Variants in SPMAP2L observed in about 807,000 individuals in gnomAD.
SPMAP2L encodes sperm microtubule associated protein 2 like.
chr4:56,575,147 G>A, the SPMAP2L span, among the ~76,000 whole-genome samples: 4 of 152,066 alleles, frequency 2.6e-5, no homozygotes. Context: ...TACTCGGGAG[G>A]CTGAGGCAGG....
the SPMAP2L span, among the ~76,000 whole-genome samples, chr4:56,572,836 C>A: frequency 8.1e-4 from 123 of 152,098 alleles, 1 homozygote; most frequent in African/African-American, 2.7e-3. Context: ...GCCAACATGG[C>A]AAAACCCTGT....
chr4:56,601,198 G>A, the SPMAP2L span: 6 of 1,279,176 alleles, frequency 4.7e-6, no homozygotes, highest in East Asian at 7.7e-5. Context: ...AATGAAAAGA[G>A]TTGTAGAAAT....
the SPMAP2L span, among the ~76,000 whole-genome samples, chr4:56,618,934 A>G: frequency 6.6e-6 from 1 of 152,150 alleles, no homozygotes; most frequent in African/African-American, 2.4e-5. Context: ...CCATAAAGAA[A>G]AGCAGCCCTG....
At chr4:56,618,778 G>T in the SPMAP2L span, among the ~76,000 whole-genome samples, 3 of 152,134 alleles carry the variant, frequency 2.0e-5, no homozygotes, top group Non-Finnish European at 2.9e-5. Context: ...ACGGAACTTG[G>T]GCTGATTGAT....
chr4:56,530,742 A>G, the SPMAP2L span: 34 of 1,535,312 alleles, frequency 2.2e-5, 1 homozygote, highest in South Asian at 3.2e-4. Context: ...AGGTCTCAAC[A>G]GAAATATCCA....
the SPMAP2L span, among the ~76,000 whole-genome samples, chr4:56,607,247 G>A: frequency 1.3e-5 from 2 of 152,150 alleles, no homozygotes; most frequent in African/African-American, 2.4e-5. Context: ...GCTTGAGGGA[G>A]TGAGTTCATC....
chr4:56,592,074 C>T, the SPMAP2L span, among the ~76,000 whole-genome samples: 136,570 of 152,290 alleles, frequency 0.9, 61,558 homozygotes, highest in African/African-American at 0.98. Flanking sequence ...GAGTGACCAT[C>T]ACTACCTGAG....
At chr4:56,534,756 G>A in the SPMAP2L span, among the ~76,000 whole-genome samples, 3 of 152,096 alleles carry the variant, frequency 2.0e-5, no homozygotes, top group Non-Finnish European at 2.9e-5. Flanking sequence ...GTGAAACCCC[G>A]TCTCTGCTAA....
chr4:56,531,153 G>A, the SPMAP2L span: 9 of 1,532,408 alleles, frequency 5.9e-6, no homozygotes, highest in African/African-American at 1.2e-4. Flanking sequence ...CACGGCCTCA[G>A]CTGTCTTTCC....
the SPMAP2L span, among the ~76,000 whole-genome samples, chr4:56,579,674 T>C: frequency 2.0e-5 from 3 of 152,188 alleles, no homozygotes; most frequent in African/African-American, 7.2e-5. Flanking sequence ...GAGGCTGAGG[T>C]GGGAGAATCA....
the SPMAP2L span, among the ~76,000 whole-genome samples, chr4:56,563,262 T>A: frequency 6.7e-6 from 1 of 150,022 alleles, no homozygotes; most frequent in South Asian, 2.1e-4. Flanking sequence ...CCGGCTAATT[T>A]TTTTTTTTTT....
chr4:56,604,905 G>GA, the SPMAP2L span, among the ~76,000 whole-genome samples: 1 of 152,124 alleles, frequency 6.6e-6, no homozygotes, highest in Non-Finnish European at 1.5e-5. Flanking sequence ...CTCAGGAATG[G>GA]AAAAACCAAA....
At chr4:56,548,697 A>C in the SPMAP2L span, 1 of 829,700 alleles carries the variant, frequency 1.2e-6, no homozygotes. Flanking sequence ...ATTTTTTTCT[A>C]ACTCCTTTCT....
chr4:56,551,716 A>T, the SPMAP2L span, among the ~76,000 whole-genome samples: 1 of 152,216 alleles, frequency 6.6e-6, no homozygotes, highest in Admixed American at 6.5e-5. Flanking sequence ...GTGGTGTATT[A>T]GTCTGCATAG....
the SPMAP2L span, among the ~76,000 whole-genome samples, chr4:56,576,055 T>C: frequency 6.6e-6 from 1 of 152,166 alleles, no homozygotes; most frequent in Admixed American, 6.5e-5. Context: ...GAGCTAAGAT[T>C]GTGATGTGGT....
chr4:56,548,743 G>T, the SPMAP2L span: 1 of 1,331,042 alleles, frequency 7.5e-7, no homozygotes, highest in Non-Finnish European at 1.0e-6. Flanking sequence ...TCATATCTTT[G>T]ATTCCTGTTG....
the SPMAP2L span, chr4:56,600,799 G>A: frequency 1.2e-6 from 1 of 849,852 alleles, no homozygotes; most frequent in Non-Finnish European, 1.8e-6. Context: ...AAGGATGGAA[G>A]CAGAGAGACC....
the SPMAP2L span, among the ~76,000 whole-genome samples, chr4:56,615,754 A>AAC: frequency 6.0e-5 from 9 of 149,604 alleles, no homozygotes; most frequent in Non-Finnish European, 1.0e-4. Flanking sequence ...TCTCAAAACA[A>AAC]ACAAACAAAC....
the SPMAP2L span, chr4:56,596,437 T>C: frequency 2.8e-5 from 39 of 1,418,114 alleles, no homozygotes; most frequent in Non-Finnish European, 3.6e-5. Context: ...TACTTTGTAA[T>C]CTTGAACTAA....
Sources: gnomAD v4.1 joint callset for allele counts (sites outside exome capture counted in the v4.1 genomes callset) on GRCh38, gnomAD v4.1.1 for gene constraint, MANE v1.5 for transcripts, NCBI Gene and HGNC (gene_info 2026-07-23, HGNC 2026-07-21) for gene names.